DLGAP2: variants seen among roughly 807,000 people sequenced by gnomAD.
The protein encoded by DLGAP2 is DLG associated protein 2.
Under a neutral mutation model 100.3 loss-of-function variants are expected in DLGAP2, and 26 were observed. The observed-to-expected ratio is 0.26, with a 90% CI of 0.19 to 0.36. The LOEUF (loss-of-function observed/expected upper bound fraction) is 0.36. Among genes scored for constraint, DLGAP2 ranks in the 10% least tolerant of loss-of-function variants. DLGAP2 has a pLI of 1.00. For missense variants in DLGAP2, 1,858 were observed against 1,453.2 expected, an observed-to-expected ratio of 1.28 and a Z score of -4.53; for synonymous variants, 886 against 630.1, an observed-to-expected ratio of 1.41 and a Z score of -6.08.
intron 3 of DLGAP2, among the ~76,000 whole-genome samples, chr8:1,365,921 A>G (rs1802098283): frequency 6.6e-6 from 1 of 152,228 alleles, no homozygotes; most frequent in African/African-American, 2.4e-5. Flanking sequence ...TGATGGCAGA[A>G]GCCACATGCC....
chr8:1,508,338 C>CTGAAAA, intron 4 of DLGAP2, among the ~76,000 whole-genome samples: 1 of 23,780 alleles, frequency 4.2e-5, no homozygotes, highest in South Asian at 2.7e-3. Context: ...TCACCACCCC[C>CTGAAAA]CGCAAACCCC....
rs187217189 is a variant in DLGAP2 at position 1,455,363 on chromosome 8, C to G, written c.107-46003C>G. On this transcript the variant is annotated intron_variant, in intron 3 of 14. Transcript: ENST00000637795. ...ATGGTGGGGCCAAGGCCGCTGCAGA[C>G]TGAAGTCCACATGAGTCCCCCTGCC... is the stretch of plus-strand genomic sequence containing the variant. Among the ~76,000 whole-genome samples the G allele has an allele frequency of 2.9e-4, 44 of 152,374 alleles. 1 individual carries two copies. The East Asian group carries it at 7.4e-3, about 25-fold the overall frequency.
intron 3 of DLGAP2, among the ~76,000 whole-genome samples, chr8:1,338,704 A>G (rs1318810625): frequency 6.6e-6 from 1 of 152,206 alleles, no homozygotes; most frequent in Non-Finnish European, 1.5e-5. Context: ...TCAGGAGCAT[A>G]CGGTCCCATA....
chr8:1,372,243 C>T, intron 3 of DLGAP2, among the ~76,000 whole-genome samples: 1 of 151,812 alleles, frequency 6.6e-6, no homozygotes, highest in East Asian at 1.9e-4. Context: ...GGTGCCAACG[C>T]TGGGACGCTG....
chr8:1,221,474 G>A (rs1798313256), intron 2 of DLGAP2, among the ~76,000 whole-genome samples: 1 of 152,164 alleles, frequency 6.6e-6, no homozygotes, highest in African/African-American at 2.4e-5. Context: ...TCCACTGTTA[G>A]CCTGATGGGG....
intron 2 of DLGAP2, among the ~76,000 whole-genome samples, chr8:1,156,129 G>A (rs1585107902): frequency 6.6e-6 from 1 of 152,280 alleles, no homozygotes; most frequent in South Asian, 2.1e-4. Flanking sequence ...AGGTGCAGGG[G>A]CTTCCCTAGG....
intron 2 of DLGAP2, among the ~76,000 whole-genome samples, chr8:950,015 C>T (rs1472363470): frequency 6.6e-6 from 1 of 152,236 alleles, no homozygotes; most frequent in Non-Finnish European, 1.5e-5. Flanking sequence ...GGACAAATCG[C>T]TGCAATGTGT....
At chr8:1,667,570 T>C (rs1329022750) in intron 8 of DLGAP2, among the ~76,000 whole-genome samples, 1 of 152,200 alleles carries the variant, frequency 6.6e-6, no homozygotes, top group Non-Finnish European at 1.5e-5. Context: ...ACAGAAACAG[T>C]AGCTATTCGT....
chr8:1,101,162 A>G (rs1187774648), intron 2 of DLGAP2, among the ~76,000 whole-genome samples: 1 of 152,230 alleles, frequency 6.6e-6, no homozygotes, highest in Non-Finnish European at 1.5e-5. Flanking sequence ...CGCAAATGTT[A>G]AGTGACATAA....
intron 1 of DLGAP2, among the ~76,000 whole-genome samples, chr8:808,245 T>C (rs1461951208): frequency 6.6e-6 from 1 of 152,202 alleles, no homozygotes; most frequent in Non-Finnish European, 1.5e-5. Context: ...GTGTTGACGA[T>C]GACTTACATG....
intron 3 of DLGAP2, among the ~76,000 whole-genome samples, chr8:1,416,110 T>C (rs747061272): frequency 5.9e-5 from 9 of 152,220 alleles, no homozygotes; most frequent in Non-Finnish European, 1.3e-4. Flanking sequence ...GCATAATATC[T>C]GCTTGAGGTG....
chr8:989,199 C>A (rs554513155), intron 2 of DLGAP2, among the ~76,000 whole-genome samples: 85 of 152,308 alleles, frequency 5.6e-4, no homozygotes, highest in Admixed American at 8.5e-4. Flanking sequence ...GGCTCTCCCG[C>A]ATGCCACATC....
At chr8:1,525,610 A>C (rs936648265) in intron 4 of DLGAP2, among the ~76,000 whole-genome samples, 1 of 152,248 alleles carries the variant, frequency 6.6e-6, no homozygotes, top group Admixed American at 6.5e-5. Flanking sequence ...ACCATGTGCG[A>C]ATCGCAGAAA....
intron 3 of DLGAP2, among the ~76,000 whole-genome samples, chr8:1,334,780 T>G (rs911970118): frequency 6.6e-6 from 1 of 151,982 alleles, no homozygotes; most frequent in Non-Finnish European, 1.5e-5. Context: ...TAATGTAACA[T>G]GGTAAATACA....
intron 2 of DLGAP2, among the ~76,000 whole-genome samples, chr8:1,219,468 G>C (rs57596437): frequency 0.078 from 11,915 of 152,150 alleles, 879 homozygotes; most frequent in African/African-American, 0.2. Context: ...AATATTGCCT[G>C]CCTGACCGTG....
At chr8:1,495,455 G>A (rs1007313082) in intron 3 of DLGAP2, among the ~76,000 whole-genome samples, 2 of 152,240 alleles carry the variant, frequency 1.3e-5, no homozygotes, top group African/African-American at 2.4e-5. Context: ...GCCGGCCAGG[G>A]CAGCCGAGGC....
At chr8:1,440,321 A>G (rs1797793606) in intron 3 of DLGAP2, among the ~76,000 whole-genome samples, 1 of 152,144 alleles carries the variant, frequency 6.6e-6, no homozygotes, top group Non-Finnish European at 1.5e-5. Context: ...ATTAAAATGG[A>G]CTCACGTGGG....
chr8:1,166,592 T>C (rs1797020610), intron 2 of DLGAP2, among the ~76,000 whole-genome samples: 1 of 152,180 alleles, frequency 6.6e-6, no homozygotes, highest in Non-Finnish European at 1.5e-5. Context: ...TGGTGTTTAT[T>C]TCTCCAATTA....
At chr8:1,367,031 C>T (rs1047058623) in intron 3 of DLGAP2, among the ~76,000 whole-genome samples, 4 of 152,248 alleles carry the variant, frequency 2.6e-5, no homozygotes, top group South Asian at 2.1e-4. Context: ...ACCCCTCCAA[C>T]ACACACACAT....
Sources: gnomAD v4.1 joint callset for allele counts (sites outside exome capture counted in the v4.1 genomes callset) on GRCh38, gnomAD v4.1.1 for gene constraint, MANE v1.5 for transcripts, NCBI Gene and HGNC (gene_info 2026-07-23, HGNC 2026-07-21) for gene names.